Variants in KCNH2 observed in about 807,000 individuals in gnomAD.
The protein encoded by KCNH2 is potassium voltage-gated channel subfamily H member 2, also known as voltage-gated inwardly rectifying potassium channel KCNH2.
In KCNH2, 35 loss-of-function variants were observed where a neutral mutation model predicts 95.9. That is an observed-to-expected ratio of 0.37 (90% CI 0.28 to 0.48). The LOEUF (loss-of-function observed/expected upper bound fraction) is 0.48. Ranked by LOEUF, KCNH2 falls within the 20% of genes least tolerant of loss-of-function variation. The pLI is 0.99. For missense variants in KCNH2, 1,274 were observed against 1,702.9 expected, an observed-to-expected ratio of 0.75 and a Z score of 4.43; for synonymous variants, 786 against 754.7, an observed-to-expected ratio of 1.04 and a Z score of -0.68.
chr7:150,947,201 T>A, intron 13 of KCNH2, 127 bp downstream of exon 13: 1 of 1,128,056 alleles, frequency 8.9e-7, no homozygotes, highest in Non-Finnish European at 1.2e-6. Context: ...CCAGCTGGGC[T>A]AGGAATGGAA....
intron 5 of KCNH2, among the ~76,000 whole-genome samples, chr7:150,956,372 GGCA>G (rs1801377025): frequency 6.6e-6 from 1 of 152,212 alleles, no homozygotes; most frequent in Admixed American, 6.5e-5. Context: ...GAGGTAGCAG[GGCA>G]GCTCCCTTAC....
chr7:150,949,343 C>T (rs1801045242), intron 9 of KCNH2: 2 of 1,321,870 alleles, frequency 1.5e-6, no homozygotes, highest in African/African-American at 3.0e-5. Context: ...TAGCCAATCA[C>T]TGCACCCTTA....
chr7:150,948,284 G>A (rs776307787), intron 11 of KCNH2, among the ~76,000 whole-genome samples, 160 bp downstream of exon 11: 1 of 152,236 alleles, frequency 6.6e-6, no homozygotes, highest in Non-Finnish European at 1.5e-5. Context: ...GGCCCTGAAA[G>A]ATGGGCAGCA....
chr7:150,956,016 C>G, intron 5 of KCNH2: 1 of 202,762 alleles, frequency 4.9e-6, no homozygotes, highest in Non-Finnish European at 8.8e-6. Flanking sequence ...TCCCTGACAC[C>G]CCCGCCCAGC....
intron 2 of KCNH2, among the ~76,000 whole-genome samples, chr7:150,966,380 C>CA (rs1801703116): frequency 2.4e-5 from 1 of 42,252 alleles, no homozygotes; most frequent in Non-Finnish European, 4.0e-5. Flanking sequence ...GATTTGCCCC[C>CA]TCCCCCCCCC....
At position 150,952,124 on chromosome 7, in the gene KCNH2, A is replaced by AC. The variant is rs1801196420; in HGVS notation, c.1558-290dup. ...GCCCACTCCCACCAGCTTCTAGGGC[A>AC]CTTTGGTGACGCTACAAAATAATGG... On this transcript the variant is annotated intron_variant, in intron 6 of 14. Transcript: ENST00000262186. This position sits in a 1 kb window ranked among gnomAD's most constrained non-coding sequence, Gnocchi z 7.3. 6.6e-6 allele frequency among the ~76,000 whole-genome samples: 1 copy of AC among 152,118 alleles called. No homozygotes were observed. Among genetic ancestry groups the AC allele is most frequent in the African/African-American group, 2.4e-5 (1 of 41,424 alleles).
chr7:150,975,560 G>A (rs892496566), intron 1 of KCNH2, among the ~76,000 whole-genome samples: 2 of 152,158 alleles, frequency 1.3e-5, no homozygotes, highest in Admixed American at 6.5e-5. Flanking sequence ...GAGAGGATGA[G>A]GGAAGTTACA....
chr7:150,949,630 A>C (rs1049196818), intron 9 of KCNH2: 3 of 1,095,724 alleles, frequency 2.7e-6, no homozygotes, highest in African/African-American at 3.3e-5. Context: ...AGAGCTTGCT[A>C]TATCTGCCCT....
chr7:150,952,476 C>A lies in KCNH2; in HGVS notation c.1506G>T (p.Met502Ile), dbSNP rs753628670. 5 of 1,614,138 alleles carry A rather than the reference C, an allele frequency of 3.1e-6. No homozygotes were observed. The highest frequency in any genetic ancestry group is 8.5e-7 in the Non-Finnish European group (1 of 1,180,028). ...HYFKGWFLID[M>I]VAAIPFDLLI... ...GCAGGTCGAAGGGGATGGCGGCCAC[C>A]ATGTCGATGAGGAACCAGCCCTTGA... The change falls in exon 6 of 15, where the codon ATG becomes ATT. Residue 502 changes from methionine (M) to isoleucine (I), a missense_variant. Met to Ile is a conservative substitution (Grantham distance 10). Coordinates refer to ENST00000262186, the MANE Select transcript of KCNH2 (RefSeq NM_000238.4). This position sits in a 1 kb window ranked among gnomAD's most constrained non-coding sequence, Gnocchi z 7.3.
At position 150,951,740 on chromosome 7, in the gene KCNH2, G is replaced by A; in HGVS notation, c.1653C>T (p.Phe551=). 1 of 1,611,988 alleles carries A rather than the reference G, an allele frequency of 6.2e-7. No homozygotes were observed. Among genetic ancestry groups the A allele is most frequent in the Non-Finnish European group, 8.5e-7 (1 of 1,178,172 alleles). ...RYSEYGAAVL[F]LLMCTFALIA... ...TGAGCGCAAAGGTGCACATGAGCAA[G>A]AACAGCACGGCCGCGCCGTACTCTG... Residue 551 remains phenylalanine (F), a synonymous_variant, in exon 7 of 15, where the codon TTC becomes TTT. Coordinates refer to ENST00000262186, the MANE Select transcript of KCNH2 (RefSeq NM_000238.4).
intron 2 of KCNH2, among the ~76,000 whole-genome samples, chr7:150,963,037 G>C (rs913465745): frequency 6.6e-6 from 1 of 152,158 alleles, no homozygotes; most frequent in Non-Finnish European, 1.5e-5. Context: ...CCAGGCCCTC[G>C]CTCTGCTCCC....
Position 150,966,017 on chromosome 7 carries a change from G to C in KCNH2, c.308-6281C>G, listed in dbSNP as rs564144745. 2.4e-4 allele frequency among the ~76,000 whole-genome samples: 37 copies of C among 152,360 alleles called. 1 individual carries two copies. Among genetic ancestry groups the C allele is most frequent in the African/African-American group, 8.2e-4 (34 of 41,586 alleles). ...TTTTGATGAAGCAAAATTCAACCTG[G>C]TCATCAGTTTTCATGGAACACAGAG... On this transcript the variant is annotated intron_variant, in intron 2 of 14. Coordinates refer to ENST00000262186, the MANE Select transcript of KCNH2 (RefSeq NM_000238.4).
At position 150,949,091 on chromosome 7, in the gene KCNH2, C is replaced by T. The variant is rs201270523; in HGVS notation, c.2399-42G>A. 8.3e-6 allele frequency: 13 copies of T among 1,569,334 alleles called. No individual in the cohort carries two copies. In the East Asian group the frequency reaches 2.0e-4, roughly 25 times the overall value. ...GGACAGGGAGCTCAGCCCCGGGGGG[C>T]GGCATCCAGGCAGCAGGCACCTTCT... On this transcript the variant is annotated intron_variant, in intron 9 of 14. Coordinates refer to ENST00000262186, the MANE Select transcript of KCNH2 (RefSeq NM_000238.4).
intron 5 of KCNH2, chr7:150,955,326 G>A (rs1801328616): frequency 1.4e-6 from 2 of 1,445,308 alleles, no homozygotes; most frequent in Non-Finnish European, 9.5e-7. Flanking sequence ...TGGAGTCAGA[G>A]CCCTTGGGCC....
intron 9 of KCNH2, chr7:150,949,938 C>A: frequency 1.3e-6 from 2 of 1,530,666 alleles, no homozygotes; most frequent in Non-Finnish European, 1.8e-6. Flanking sequence ...TGTGGCGGAT[C>A]CTGAAGGGAA....
At chr7:150,949,084 CG>C in intron 9 of KCNH2, 35 bp from the exon 10 acceptor site, 1 of 1,587,416 alleles carries the variant, frequency 6.3e-7, no homozygotes, top group South Asian at 1.1e-5. Context: ...AGCTCAGCCC[CG>C]GGGGGCGGCA....
intron 9 of KCNH2, chr7:150,949,616 C>A: frequency 9.2e-7 from 1 of 1,083,214 alleles, no homozygotes. Flanking sequence ...CAACTATGGT[C>A]GAAAGAGCTT....
intron 9 of KCNH2, chr7:150,949,342 A>C (rs1274282757): frequency 2.3e-6 from 3 of 1,318,214 alleles, no homozygotes; most frequent in Non-Finnish European, 2.9e-6. Flanking sequence ...TTAGCCAATC[A>C]CTGCACCCTT....
At chr7:150,970,850 C>T (rs1285159536) in intron 2 of KCNH2, among the ~76,000 whole-genome samples, 1 of 152,216 alleles carries the variant, frequency 6.6e-6, no homozygotes, top group Non-Finnish European at 1.5e-5. Flanking sequence ...GCCCCATCCT[C>T]TGGGATCGCT....
Sources: gnomAD v4.1 joint callset for allele counts (sites outside exome capture counted in the v4.1 genomes callset) on GRCh38, gnomAD v4.1.1 for gene constraint, Gnocchi (gnomAD v3.1) non-coding constraint, MANE v1.5 for transcripts, NCBI Gene and HGNC (gene_info 2026-07-23, HGNC 2026-07-21) for gene names.